ASTN2: variants seen among roughly 807,000 people sequenced by gnomAD.
ASTN2 encodes the protein astrotactin 2.
A neutral mutation model predicts 139.8 loss-of-function variants in ASTN2; 54 were observed. The observed-to-expected ratio is 0.39, with a 90% confidence interval of 0.31 to 0.48. The LOEUF is 0.48. ASTN2 is among the 20% of genes least tolerant of loss of function. The pLI is 0.95. For missense variants in ASTN2, 1,565 were observed against 1,725.1 expected (o/e 0.91, Z 1.64); for synonymous variants, 756 against 719.5 (o/e 1.05, Z -0.81).
intron 19 of ASTN2, chr9:116,568,352 T>A (rs1024863255): frequency 6.6e-6 from 1 of 152,186 alleles, no homozygotes; most frequent in Non-Finnish European, 1.5e-5. Flanking sequence ...TTTTTTAAAT[T>A]TTTAAATTTT....
intron 6 of ASTN2, among the ~76,000 whole-genome samples, chr9:117,032,133 C>G (rs11792345): frequency 6.6e-6 from 1 of 152,022 alleles, no homozygotes; most frequent in African/African-American, 2.4e-5. Context: ...AAATATAATT[C>G]TAGGTAATGT....
chr9:116,481,962 T>C (rs1030385182), intron 20 of ASTN2, among the ~76,000 whole-genome samples: 3 of 152,220 alleles, frequency 2.0e-5, no homozygotes, highest in African/African-American at 7.2e-5. Context: ...CTTCTCATTA[T>C]GTGACATTGG....
chr9:116,469,174 T>C (rs1420925367), intron 20 of ASTN2, among the ~76,000 whole-genome samples: 7 of 152,122 alleles, frequency 4.6e-5, no homozygotes, highest in Non-Finnish European at 1.5e-5. Flanking sequence ...ACTAATAGAA[T>C]AAACAAACGT....
chr9:117,144,054 A>C lies in ASTN2; in HGVS notation c.1016-2576T>G, dbSNP rs549802121. Among the ~76,000 whole-genome samples, 13 of 152,284 alleles carry C rather than the reference A, an allele frequency of 8.5e-5. No homozygotes were observed. The East Asian group carries it at 2.1e-3, about 25-fold the overall frequency. ...CAGGTAATTAAGGTTAGATGAAGTCATAAGAGTGGGATCCCAATCTGATAG... is the reference window on the plus strand; with the variant it reads ...CAGGTAATTAAGGTTAGATGAAGTCCTAAGAGTGGGATCCCAATCTGATAG... On this transcript the variant is annotated intron_variant, in intron 3 of 22. Coordinates refer to ENST00000313400, the MANE Select transcript of ASTN2 (RefSeq NM_001365068.1).
chr9:116,510,543 G>T (rs529834609), intron 19 of ASTN2, among the ~76,000 whole-genome samples: 3 of 152,236 alleles, frequency 2.0e-5, no homozygotes, highest in South Asian at 2.1e-4. Flanking sequence ...GTGAAGAAAG[G>T]CATTGGTAGC....
chr9:117,298,614 T>C (rs1477777659), intron 1 of ASTN2, among the ~76,000 whole-genome samples: 1 of 151,148 alleles, frequency 6.6e-6, no homozygotes, highest in African/African-American at 2.4e-5. Flanking sequence ...TTACTTCATA[T>C]ACATAGTTAT....
At chr9:116,574,498 G>C (rs1433437192) in intron 19 of ASTN2, among the ~76,000 whole-genome samples, 9 of 152,206 alleles carry the variant, frequency 5.9e-5, no homozygotes, top group Non-Finnish European at 7.3e-5. Flanking sequence ...GCTTATTGCA[G>C]CTATGCAAAG....
In ASTN2 at chr9:116,651,797, G is replaced by A. The variant is rs2295742; in HGVS notation, c.2807-4C>T. The A allele has an allele frequency of 0.023, 37,667 of 1,612,148 alleles. 5,005 individuals are homozygous for A. The South Asian group carries it at 0.26, about 11-fold the overall frequency. ...TTGCTGCCCAGCTCTGTGGTCTCTG[G>A]AGAGGCACAAGACAGGAAGAGCGAA... On this transcript the variant is annotated splice_region_variant and splice_polypyrimidine_tract_variant and intron_variant, in intron 16 of 22. Coordinates refer to ENST00000313400, the MANE Select transcript of ASTN2 (RefSeq NM_001365068.1).
chr9:116,632,152 G>C lies in ASTN2; in HGVS notation c.3073-11709C>G, dbSNP rs868847739. On this transcript the variant is annotated intron_variant, in intron 17 of 22. Coordinates refer to ENST00000313400, the MANE Select transcript of ASTN2 (RefSeq NM_001365068.1). ...GAAGAGAGAGAGAGAGAGAGAGAGA[G>C]AGAGACAGAGAGAGAGAGAGAGAGA... Among the ~76,000 whole-genome samples, 90 of 67,998 alleles carry C rather than the reference G, an allele frequency of 1.3e-3. 1 individual carries two copies. The East Asian group carries it at 0.026, about 20-fold the overall frequency. 44.6% of individuals were successfully genotyped at this position (67,998 alleles called of 152,430 possible). A position where few individuals can be genotyped will look rare whatever the true frequency, so the allele number is the denominator to read the frequency against.
intron 20 of ASTN2, among the ~76,000 whole-genome samples, chr9:116,447,610 CT>C (rs1848038682): frequency 6.6e-6 from 1 of 152,182 alleles, no homozygotes. Context: ...TAAATTCTGG[CT>C]TCTCGTACAT....
At chr9:116,788,474 A>G (rs1424677480) in intron 13 of ASTN2, among the ~76,000 whole-genome samples, 1 of 152,160 alleles carries the variant, frequency 6.6e-6, no homozygotes, top group African/African-American at 2.4e-5. Flanking sequence ...ATATATATTA[A>G]AAATAACCCT....
At chr9:117,087,349 C>A (rs1415187127) in intron 5 of ASTN2, among the ~76,000 whole-genome samples, 1 of 152,068 alleles carries the variant, frequency 6.6e-6, no homozygotes. Context: ...ATCCTCCAGC[C>A]TCAGCCTCCT....
intron 22 of ASTN2, among the ~76,000 whole-genome samples, chr9:116,436,543 G>A (rs1307464316): frequency 6.6e-6 from 1 of 152,154 alleles, no homozygotes; most frequent in Non-Finnish European, 1.5e-5. Flanking sequence ...AGGGAAGACA[G>A]ATAATATGTA....
chr9:116,718,975 C>CTATATATAT (rs1564230183), intron 16 of ASTN2, among the ~76,000 whole-genome samples: 1 of 116,576 alleles, frequency 8.6e-6, no homozygotes, highest in Non-Finnish European at 1.7e-5. Context: ...TGTATCTGTA[C>CTATATATAT]ATATATATAT....
intron 13 of ASTN2, among the ~76,000 whole-genome samples, chr9:116,755,940 C>T (rs1011970094): frequency 6.6e-6 from 1 of 152,172 alleles, no homozygotes; most frequent in African/African-American, 2.4e-5. Context: ...TCTCTGGGAG[C>T]CTCCAGAAGA....
intron 2 of ASTN2, among the ~76,000 whole-genome samples, chr9:117,262,181 G>T (rs1833837648): frequency 6.6e-6 from 1 of 151,946 alleles, no homozygotes; most frequent in African/African-American, 2.4e-5. Context: ...TTTTTTTGGT[G>T]GTACCAGAGT....
At chr9:116,510,911 A>G (rs1327882692) in intron 19 of ASTN2, among the ~76,000 whole-genome samples, 2 of 152,140 alleles carry the variant, frequency 1.3e-5, no homozygotes, top group Non-Finnish European at 2.9e-5. Flanking sequence ...GGTTGAGACA[A>G]TGGGGTTTTC....
At chr9:116,553,303 C>T (rs1587989431) in intron 19 of ASTN2, among the ~76,000 whole-genome samples, 2 of 152,128 alleles carry the variant, frequency 1.3e-5, no homozygotes, top group Non-Finnish European at 1.5e-5. Flanking sequence ...TAAAAAGGTG[C>T]AACTTTAGAT....
intron 4 of ASTN2, among the ~76,000 whole-genome samples, chr9:117,105,596 G>C (rs1252192541): frequency 6.6e-6 from 1 of 152,116 alleles, no homozygotes; most frequent in Non-Finnish European, 1.5e-5. Context: ...AAGATTGTTG[G>C]TTTAATGCAC....
Sources: gnomAD v4.1 joint callset for allele counts (sites outside exome capture counted in the v4.1 genomes callset) on GRCh38, gnomAD v4.1.1 for gene constraint, MANE v1.5 for transcripts, NCBI Gene and HGNC (gene_info 2026-07-23, HGNC 2026-07-21) for gene names.